PRELID2: variants seen among roughly 807,000 people sequenced by gnomAD.
The protein encoded by PRELID2 is PRELI domain containing 2.
A neutral mutation model predicts 28.4 loss-of-function variants in PRELID2; 25 were observed. That is an observed-to-expected ratio of 0.88 (90% CI 0.64 to 1.23). The LOEUF is 1.23. PRELID2 is among the 50% of genes most tolerant of loss of function. PRELID2 has a pLI of 0.00. For missense variants in PRELID2, 201 were observed against 214.4 expected, an observed-to-expected ratio of 0.94 and a Z score of 0.39; for synonymous variants, 76 against 71.6, an observed-to-expected ratio of 1.06 and a Z score of -0.31.
At chr5:145,561,146 CA>C (rs1752922206) in intron 1 of PRELID2, among the ~76,000 whole-genome samples, 1 of 152,020 alleles carries the variant, frequency 6.6e-6, no homozygotes, top group Non-Finnish European at 1.5e-5. Context: ...GAATAAAGTA[CA>C]ACACACAATC....
chr5:145,349,339 A>G, the PRELID2 span, among the ~76,000 whole-genome samples: 2,244 of 152,158 alleles, frequency 0.015, 47 homozygotes, highest in African/African-American at 0.051. Flanking sequence ...AGATTTCAAC[A>G]TTTGCCATTA....
intron 2 of PRELID2, 57 bp from the exon 3 acceptor site, chr5:145,820,075 G>T: frequency 9.5e-7 from 1 of 1,054,682 alleles, no homozygotes; most frequent in Non-Finnish European, 1.4e-6. Flanking sequence ...TCTTTTCTTA[G>T]TGTCAATAAA....
chr5:145,741,984 AAT>A (rs1756812495), intron 1 of PRELID2, among the ~76,000 whole-genome samples: 4 of 4,754 alleles, frequency 8.4e-4, no homozygotes, highest in Admixed American at 6.1e-3. Context: ...ATTTAATTAT[AAT>A]AAATTTATTA....
intron 1 of PRELID2, among the ~76,000 whole-genome samples, chr5:145,694,972 C>T (rs923322388): frequency 6.6e-6 from 1 of 152,096 alleles, no homozygotes; most frequent in Non-Finnish European, 1.5e-5. Context: ...TTCCATCACC[C>T]CCCACATAGT....
the PRELID2 span, among the ~76,000 whole-genome samples, chr5:145,374,729 G>T: frequency 3.3e-5 from 5 of 151,818 alleles, no homozygotes; most frequent in Non-Finnish European, 7.4e-5. Context: ...TTTCAGCAAG[G>T]TGGCCTTCAA....
In PRELID2 at chr5:145,796,581, C is replaced by T. The variant is rs200611264; in HGVS notation, c.369-34G>A. On this transcript the variant is annotated intron_variant, in intron 4 of 6. Coordinates refer to ENST00000683046, the MANE Select transcript of PRELID2 (RefSeq NM_205846.3). ...AAAACAAAAAACACATCTTTGATGT[C>T]ATTCTATGCTTGGATATGTAAACGA... is the stretch of plus-strand genomic sequence containing the variant. 20 of 1,369,264 alleles carry T rather than the reference C, an allele frequency of 1.5e-5. No individual in the cohort carries two copies. The Admixed American group carries it at 3.7e-4, about 25-fold the overall frequency. 84.8% of individuals were successfully genotyped at this position (1,369,264 alleles called of 1,614,324 possible).
At chr5:145,688,284 T>G (rs1347116892) in intron 1 of PRELID2, among the ~76,000 whole-genome samples, 1 of 152,220 alleles carries the variant, frequency 6.6e-6, no homozygotes, top group Admixed American at 6.5e-5. Flanking sequence ...TTTCACAACA[T>G]TAACTTGTCC....
intron 1 of PRELID2, among the ~76,000 whole-genome samples, chr5:145,646,500 G>A (rs1754198814): frequency 1.3e-5 from 2 of 152,080 alleles, no homozygotes; most frequent in Non-Finnish European, 2.9e-5. Context: ...GCTTGGAGGA[G>A]TTTCTTATTA....
At chr5:145,435,527 C>T in the PRELID2 span, among the ~76,000 whole-genome samples, 2 of 152,158 alleles carry the variant, frequency 1.3e-5, no homozygotes, top group Non-Finnish European at 2.9e-5. Context: ...ATGCTTTAAG[C>T]ATTGTGTGAA....
chr5:145,521,047 G>A (rs1752559097), intron 1 of PRELID2, among the ~76,000 whole-genome samples: 1 of 152,084 alleles, frequency 6.6e-6, no homozygotes, highest in African/African-American at 2.4e-5. Flanking sequence ...ATTCTAAGTT[G>A]ACAGGGAGTT....
At chr5:145,660,397 T>C (rs973704839) in intron 1 of PRELID2, among the ~76,000 whole-genome samples, 2 of 152,224 alleles carry the variant, frequency 1.3e-5, no homozygotes, top group Non-Finnish European at 2.9e-5. Context: ...TTCTTTCCTG[T>C]TCTGATCCTC....
At chr5:145,560,051 GT>G (rs1752913870) in intron 1 of PRELID2, among the ~76,000 whole-genome samples, 1 of 152,110 alleles carries the variant, frequency 6.6e-6, no homozygotes, top group Non-Finnish European at 1.5e-5. Flanking sequence ...TTAGTCTACA[GT>G]TAGGCAAATC....
the PRELID2 span, among the ~76,000 whole-genome samples, chr5:145,340,564 T>C: frequency 6.6e-6 from 1 of 151,700 alleles, no homozygotes; most frequent in Non-Finnish European, 1.5e-5. Context: ...GCCCAGGAGT[T>C]CAAGATCAGT....
chr5:145,244,028 C>T, the PRELID2 span, among the ~76,000 whole-genome samples: 3 of 152,100 alleles, frequency 2.0e-5, no homozygotes, highest in South Asian at 2.1e-4. Flanking sequence ...TCTCAGCTCA[C>T]TGTAACATTT....
chr5:145,815,465 G>T (rs921302923), intron 4 of PRELID2, among the ~76,000 whole-genome samples: 1 of 152,164 alleles, frequency 6.6e-6, no homozygotes, highest in Non-Finnish European at 1.5e-5. Context: ...ATTCAGTGAG[G>T]TTTAGTATAT....
intron 6 of PRELID2, among the ~76,000 whole-genome samples, chr5:145,763,635 T>G (rs965920464): frequency 6.6e-6 from 1 of 152,228 alleles, no homozygotes; most frequent in African/African-American, 2.4e-5. Context: ...GCTCTCACTC[T>G]TTACTGTTTA....
intron 1 of PRELID2, among the ~76,000 whole-genome samples, chr5:145,667,708 T>C (rs759107496): frequency 6.6e-6 from 1 of 152,056 alleles, no homozygotes; most frequent in Non-Finnish European, 1.5e-5. Context: ...ACCAGTCACT[T>C]AGGCAAGTTA....
intron 2 of PRELID2, 58 bp from the exon 3 acceptor site, chr5:145,820,076 T>C: frequency 9.4e-7 from 1 of 1,064,360 alleles, no homozygotes; most frequent in Non-Finnish European, 1.4e-6. Flanking sequence ...CTTTTCTTAG[T>C]GTCAATAAAT....
chr5:145,419,170 A>T, the PRELID2 span, among the ~76,000 whole-genome samples: 3 of 150,642 alleles, frequency 2.0e-5, no homozygotes, highest in African/African-American at 7.3e-5. Context: ...TGCTATTGTG[A>T]ATAATGCTGC....
Sources: allele counts gnomAD v4.1 joint callset (sites outside exome capture counted in the v4.1 genomes callset), GRCh38; gene constraint gnomAD v4.1.1; transcripts MANE v1.5; gene names NCBI Gene and HGNC (gene_info 2026-07-23, HGNC 2026-07-21).